ITCH: variants seen among roughly 807,000 people sequenced by gnomAD.
The protein encoded by ITCH is E3 ubiquitin-protein ligase Itchy homolog.
In ITCH, 28 loss-of-function variants were observed where a neutral mutation model predicts 126.8. The ratio of observed to expected loss-of-function variants is 0.22; its 90% confidence interval spans 0.16 to 0.30. ITCH has a LOEUF of 0.30. Ranked by LOEUF, ITCH falls within the 10% of genes least tolerant of loss-of-function variation. The probability of loss-of-function intolerance (pLI) is 1.00; values close to 1 mark genes in which losing one functional copy is unlikely to be tolerated. For missense variants in ITCH, 631 were observed against 1,032.4 expected (o/e 0.61, Z 5.33); for synonymous variants, 342 against 340.0 (o/e 1.01, Z -0.06).
chr20:34,383,116 A>G (rs2038131056), intron 2 of ITCH, among the ~76,000 whole-genome samples: 1 of 151,928 alleles, frequency 6.6e-6, no homozygotes, highest in South Asian at 2.1e-4. Flanking sequence ...ATCATGGCTC[A>G]CTATAGTCTT....
At chr20:34,402,452 G>A in intron 3 of ITCH, 1 of 769,512 alleles carries the variant, frequency 1.3e-6, no homozygotes, top group South Asian at 1.3e-5. Flanking sequence ...TGAAAATGGA[G>A]AGATGGAGAG....
At chr20:34,472,480 T>G (rs949440882) in intron 16 of ITCH, among the ~76,000 whole-genome samples, 1 of 152,134 alleles carries the variant, frequency 6.6e-6, no homozygotes, top group Non-Finnish European at 1.5e-5. Context: ...GATTGTGTTA[T>G]GTAGAAGATT....
At chr20:34,415,946 A>G (rs1013819624) in intron 6 of ITCH, among the ~76,000 whole-genome samples, 1 of 151,736 alleles carries the variant, frequency 6.6e-6, no homozygotes, top group Non-Finnish European at 1.5e-5. Flanking sequence ...ACATGGTGAA[A>G]CCCCGTCTCT....
chr20:34,448,319 G>A (rs375063480), intron 11 of ITCH, among the ~76,000 whole-genome samples: 10 of 152,016 alleles, frequency 6.6e-5, no homozygotes, highest in South Asian at 2.1e-4. Context: ...CTTGAACCTG[G>A]GAGCCGGAGG....
Position 34,387,319 on chromosome 20 carries a change from A to T in ITCH, c.-21-6472A>T, listed in dbSNP as rs979563833. 6.0e-5 allele frequency among the ~76,000 whole-genome samples: 9 copies of T among 150,788 alleles called. No homozygotes were observed. The East Asian group carries it at 9.7e-4, about 16-fold the overall frequency. On this transcript the variant is annotated intron_variant, in intron 2 of 24. Transcript: ENST00000374864. The stretch of plus-strand genomic sequence containing the variant: ...GTCTGTCTCAAAAAAAAAAAAAAAA[A>T]TTTATAAAGTGCTAAGTATTGACCC...
chr20:34,428,321 G>A (rs376410863), intron 7 of ITCH, among the ~76,000 whole-genome samples: 44 of 152,258 alleles, frequency 2.9e-4, no homozygotes, highest in South Asian at 2.7e-3. Context: ...CAGGTGCTTC[G>A]CATCCTTCCC....
At position 34,369,785 on chromosome 20, in the gene ITCH, AGGAT is replaced by A. The variant is rs879521213; in HGVS notation, c.-22+316_-22+319del. Reference sequence around the variant, plus strand: ...ATACTATCTAGACATGTGCATGTGTAGGATTAAGAGGTGGGTAATGAAAAAGAAG... The same window carrying A: ...ATACTATCTAGACATGTGCATGTGTATAAGAGGTGGGTAATGAAAAAGAAG... On this transcript the variant is annotated intron_variant, in intron 2 of 24. Transcript: ENST00000374864. Among the ~76,000 whole-genome samples, 7 of 152,216 alleles carry A rather than the reference AGGAT, an allele frequency of 4.6e-5. No individual in the cohort carries two copies. The East Asian group carries it at 1.4e-3, about 29-fold the overall frequency.
At chr20:34,395,232 CAAAAA>C (rs75300869) in intron 3 of ITCH, among the ~76,000 whole-genome samples, 1 of 76,934 alleles carries the variant, frequency 1.3e-5, no homozygotes. Context: ...GACTCCATCT[CAAAAA>C]AAAAAAAAAA....
chr20:34,435,345 T>C (rs1168750171), intron 7 of ITCH, among the ~76,000 whole-genome samples: 1 of 152,070 alleles, frequency 6.6e-6, no homozygotes, highest in Admixed American at 6.6e-5. Flanking sequence ...ATTTTTGTAT[T>C]TTTAGTAGAG....
At chr20:34,426,774 GT>G (rs796792279) in intron 7 of ITCH, among the ~76,000 whole-genome samples, 184 of 134,716 alleles carry the variant, frequency 1.4e-3, no homozygotes, top group African/African-American at 4.0e-3. Context: ...AAGTTTTTTG[GT>G]TTTTTTTTTT....
intron 13 of ITCH, 75 bp downstream of exon 13, chr20:34,457,549 G>T: frequency 1.9e-6 from 2 of 1,040,984 alleles, no homozygotes; most frequent in South Asian, 1.3e-5. Context: ...GAAGATCAAA[G>T]TTCATATTCT....
intron 2 of ITCH, among the ~76,000 whole-genome samples, chr20:34,378,337 G>A (rs919506801): frequency 2.0e-5 from 3 of 151,804 alleles, no homozygotes; most frequent in Admixed American, 2.0e-4. Flanking sequence ...GCCGGGTGGG[G>A]TGGTGGCGCA....
intron 23 of ITCH, among the ~76,000 whole-genome samples, chr20:34,496,743 A>T (rs1989908542): frequency 6.9e-6 from 1 of 145,020 alleles, no homozygotes; most frequent in African/African-American, 2.5e-5. Flanking sequence ...GCGGAGGTTG[A>T]GGTGAGCCGA....
chr20:34,429,757 T>G (rs1982039155), intron 7 of ITCH, among the ~76,000 whole-genome samples: 1 of 152,192 alleles, frequency 6.6e-6, no homozygotes, highest in Non-Finnish European at 1.5e-5. Flanking sequence ...TTTTTTGAAC[T>G]GTTGTTTTTA....
At chr20:34,467,010 A>G (rs951996090) in intron 14 of ITCH, among the ~76,000 whole-genome samples, 3 of 152,210 alleles carry the variant, frequency 2.0e-5, no homozygotes, top group Non-Finnish European at 4.4e-5. Flanking sequence ...GTAAACATTA[A>G]TAATATTAAC....
chr20:34,372,383 A>ATTTTTTTTTTTTTTT (rs1568853490), intron 2 of ITCH, among the ~76,000 whole-genome samples: 6 of 70,230 alleles, frequency 8.5e-5, no homozygotes, highest in Admixed American at 1.8e-4. Flanking sequence ...TTTAAGTTCT[A>ATTTTTTTTTTTTTTT]CTTTTTTTTT....
In ITCH at chr20:34,402,670, CACA is replaced by C. The variant is rs532141067; in HGVS notation, c.71-5974_71-5972del. ...TTGTTTTACCAACAGCACCATCACC[CACA>C]ACAACACACTTAATTGTCTGCATTG... On this transcript the variant is annotated intron_variant, in intron 3 of 24. Transcript: ENST00000374864. 508 of 544,466 alleles carry C rather than the reference CACA, an allele frequency of 9.3e-4. 2 individuals are homozygous for C. The Middle Eastern group carries it at 0.013, about 14-fold the overall frequency. The allele number at this position is 544,466 out of a possible 1,614,324, so 33.7% of individuals were successfully genotyped here.
intron 2 of ITCH, among the ~76,000 whole-genome samples, chr20:34,374,414 T>C (rs1490694182): frequency 6.6e-6 from 1 of 152,218 alleles, no homozygotes; most frequent in East Asian, 1.9e-4. Flanking sequence ...AGTTTTCTCA[T>C]CTGTAAATTG....
intron 2 of ITCH, 154 bp downstream of exon 2, chr20:34,369,624 G>A: frequency 2.6e-6 from 1 of 391,872 alleles, no homozygotes; most frequent in Non-Finnish European, 4.5e-6. Context: ...GAAACCCAAA[G>A]CTGCCTCTGC....
Sources: allele counts gnomAD v4.1 joint callset (sites outside exome capture counted in the v4.1 genomes callset), GRCh38; gene constraint gnomAD v4.1.1; transcripts MANE v1.5; gene names NCBI Gene and HGNC (gene_info 2026-07-23, HGNC 2026-07-21).